Variants in CLVS1 observed in about 807,000 individuals in gnomAD.
CLVS1 encodes clavesin 1.
A neutral mutation model predicts 33.1 loss-of-function variants in CLVS1; 10 were observed. The ratio of observed to expected loss-of-function variants is 0.30; its 90% CI spans 0.19 to 0.51. The LOEUF is 0.51. Among genes scored for constraint, CLVS1 ranks in the 20% least tolerant of loss-of-function variants. The pLI is 0.97. For missense variants in CLVS1, 343 were observed against 433.4 expected, an observed-to-expected ratio of 0.79 and a Z score of 1.85; for synonymous variants, 163 against 166.1, an observed-to-expected ratio of 0.98 and a Z score of 0.14.
chr8:61,499,311 G>A, intron 5 of CLVS1, 144 bp from the exon 6 acceptor site: 1 of 576,436 alleles, frequency 1.7e-6, no homozygotes, highest in Non-Finnish European at 3.2e-6. Flanking sequence ...GAATAGCTGG[G>A]ACTACTGGCA....
At chr8:61,483,485 G>A (rs567262234) in intron 5 of CLVS1, among the ~76,000 whole-genome samples, 126 of 152,222 alleles carry the variant, frequency 8.3e-4, no homozygotes, top group African/African-American at 2.9e-3. Flanking sequence ...AGGACCAGAC[G>A]GATTCACAGC....
intron 5 of CLVS1, among the ~76,000 whole-genome samples, chr8:61,460,639 A>G (rs1817336259): frequency 6.6e-6 from 1 of 152,222 alleles, no homozygotes; most frequent in Non-Finnish European, 1.5e-5. Context: ...AAGATTTCCC[A>G]GGAATTTTTC....
At chr8:61,302,867 C>T (rs1810485724) in intron 2 of CLVS1, among the ~76,000 whole-genome samples, 1 of 152,176 alleles carries the variant, frequency 6.6e-6, no homozygotes, top group South Asian at 2.1e-4. Flanking sequence ...GGCACATCTT[C>T]ACATAGTGGA....
At chr8:61,044,117 T>C in the CLVS1 span, among the ~76,000 whole-genome samples, 1 of 152,160 alleles carries the variant, frequency 6.6e-6, no homozygotes, top group Non-Finnish European at 1.5e-5. Flanking sequence ...ATATTACAGG[T>C]ATTTCTGCTG....
chr8:61,251,196 T>C (rs1428990966), intron 2 of CLVS1, among the ~76,000 whole-genome samples: 1 of 152,238 alleles, frequency 6.6e-6, no homozygotes, highest in African/African-American at 2.4e-5. Flanking sequence ...TCATTGGTTC[T>C]GTTTATGTGA....
intron 2 of CLVS1, among the ~76,000 whole-genome samples, chr8:61,310,891 T>C (rs980798891): frequency 4.6e-5 from 7 of 152,220 alleles, no homozygotes; most frequent in African/African-American, 1.7e-4. Flanking sequence ...GCAAACAGAA[T>C]CTCAGCTCAG....
chr8:61,435,101 T>C (rs1346524246), intron 3 of CLVS1, among the ~76,000 whole-genome samples: 1 of 152,124 alleles, frequency 6.6e-6, no homozygotes, highest in Non-Finnish European at 1.5e-5. Flanking sequence ...TAGGTAGGAA[T>C]TTGGGCAAGA....
At chr8:61,253,606 G>C (rs558720123) in intron 2 of CLVS1, among the ~76,000 whole-genome samples, 1 of 152,164 alleles carries the variant, frequency 6.6e-6, no homozygotes, top group Non-Finnish European at 1.5e-5. Context: ...ATTTCTTGGA[G>C]GCTTTGTTCA....
In CLVS1 at chr8:61,363,094, A is replaced by G. The variant is rs369934445; in HGVS notation, c.456-13511A>G. Among the ~76,000 whole-genome samples the G allele has an allele frequency of 2.1e-3, 325 of 152,326 alleles. 2 individuals carry two copies. The highest frequency in any genetic ancestry group is 7.2e-3 in the African/African-American group (300 of 41,590). ...AGATAGAACTTTCCAGGGGCTGAGC[A>G]TTCACATTTTTTCCTCTTTTCCCCT... On this transcript the variant is annotated intron_variant, in intron 2 of 5. Coordinates refer to ENST00000325897, the MANE Select transcript of CLVS1 (RefSeq NM_173519.3).
chr8:61,010,331 T>C, the CLVS1 span, among the ~76,000 whole-genome samples: 1 of 152,184 alleles, frequency 6.6e-6, no homozygotes, highest in African/African-American at 2.4e-5. Flanking sequence ...AGGTCATGAG[T>C]AAGGTTGATA....
intron 2 of CLVS1, among the ~76,000 whole-genome samples, chr8:61,316,137 A>G (rs1811001000): frequency 6.6e-6 from 1 of 152,204 alleles, no homozygotes; most frequent in African/African-American, 2.4e-5. Context: ...CGTTTGACCC[A>G]GCAATCCCAT....
At chr8:61,181,848 C>T (rs945432677) in intron 2 of CLVS1, among the ~76,000 whole-genome samples, 3 of 151,804 alleles carry the variant, frequency 2.0e-5, no homozygotes, top group East Asian at 1.9e-4. Flanking sequence ...TACAGGTGCC[C>T]GCCACTGTGC....
rs973691100 is a variant in CLVS1 at position 61,500,728 on chromosome 8, A to G, written c.*1186A>G. 5 of 152,244 alleles carry G rather than the reference A, an allele frequency of 3.3e-5. No individual in the cohort carries two copies. The highest frequency in any genetic ancestry group is 1.2e-4 in the African/African-American group (5 of 41,470). The allele number at this position is 152,244 out of a possible 1,614,324, so 9.4% of individuals were successfully genotyped here. A position where few individuals can be genotyped will look rare whatever the true frequency, so the allele number is the denominator to read the frequency against. On this transcript the variant is annotated 3_prime_UTR_variant, in exon 6 of 6. Transcript: ENST00000325897. The stretch of plus-strand genomic sequence containing the variant: ...TTAGACATCTCTTATTCGCCCAGCC[A>G]TCTGCATGACATGGGTATTTATTAG...
At chr8:61,322,558 A>G (rs1460901615) in intron 2 of CLVS1, among the ~76,000 whole-genome samples, 2 of 152,144 alleles carry the variant, frequency 1.3e-5, no homozygotes, top group East Asian at 3.9e-4. Flanking sequence ...TGGTGTCAAA[A>G]TTCTAGCAGC....
chr8:61,308,646 T>G (rs1810724231), intron 2 of CLVS1, among the ~76,000 whole-genome samples: 1 of 152,114 alleles, frequency 6.6e-6, no homozygotes, highest in Non-Finnish European at 1.5e-5. Flanking sequence ...CCAGCACCCT[T>G]AGGGGAGCTG....
chr8:61,113,017 T>C (rs1805656890), intron 1 of CLVS1, among the ~76,000 whole-genome samples: 1 of 152,182 alleles, frequency 6.6e-6, no homozygotes, highest in African/African-American at 2.4e-5. Flanking sequence ...TTGACTGCTG[T>C]ATTGCTATGG....
intron 2 of CLVS1, chr8:61,202,763 T>A: frequency 1.1e-5 from 18 of 1,569,914 alleles, no homozygotes; most frequent in Non-Finnish European, 1.6e-5. Flanking sequence ...CTCTTAAGTA[T>A]ATCTGGAAAG....
chr8:61,190,013 C>T (rs1807436243), intron 2 of CLVS1, among the ~76,000 whole-genome samples: 1 of 152,146 alleles, frequency 6.6e-6, no homozygotes, highest in South Asian at 2.1e-4. Flanking sequence ...CAGCTCTGCA[C>T]CAAGCAGATC....
At chr8:61,218,944 CAAAT>C (rs903770495) in intron 2 of CLVS1, among the ~76,000 whole-genome samples, 12 of 151,962 alleles carry the variant, frequency 7.9e-5, no homozygotes, top group Non-Finnish European at 1.8e-4. Flanking sequence ...AACTTCGTCT[CAAAT>C]AAAACAAAAC....
Sources: gnomAD v4.1 joint callset for allele counts (sites outside exome capture counted in the v4.1 genomes callset) on GRCh38, gnomAD v4.1.1 for gene constraint, MANE v1.5 for transcripts, NCBI Gene and HGNC (gene_info 2026-07-23, HGNC 2026-07-21) for gene names.